Variants in EEA1 observed in about 807,000 individuals in gnomAD.
EEA1 encodes the protein early endosome antigen 1, also known as early endosome antigen 1, 162kD.
EEA1 carries 111 observed loss-of-function variants against 209.2 expected under a neutral mutation model. The observed-to-expected ratio is 0.53, with a 90% CI of 0.45 to 0.62. EEA1 has a LOEUF of 0.62. Ranked by LOEUF, EEA1 falls within the 20% of genes least tolerant of loss-of-function variation. EEA1 has a pLI of 0.00. For synonymous variants in EEA1, 536 were observed against 540.6 expected, an observed-to-expected ratio of 0.99 and a Z score of 0.12; for missense variants, 1,343 against 1,530.8, an observed-to-expected ratio of 0.88 and a Z score of 2.05.
chr12:92,817,063 T>C (rs74977447), intron 14 of EEA1, among the ~76,000 whole-genome samples: 13,231 of 151,294 alleles, frequency 0.087, 883 homozygotes, highest in Non-Finnish European at 0.098. Flanking sequence ...TTTGCATCCA[T>C]TGAAATTTTA....
Position 92,771,802 on chromosome 12 carries a change from T to C in EEA1, c.*4209A>G, listed in dbSNP as rs1780762858. 1 of 152,024 alleles carries C rather than the reference T, an allele frequency of 6.6e-6. No homozygotes were observed. Among genetic ancestry groups the C allele is most frequent in the African/African-American group, 2.4e-5 (1 of 41,428 alleles). The allele number at this position is 152,024 out of a possible 1,614,324, so 9.4% of individuals were successfully genotyped here. ...TCTCAAATTCCTTTAGTCCCATGAA[T>C]CCAGCAACCACAGACTTACATGTAT... On this transcript the variant is annotated 3_prime_UTR_variant, in exon 29 of 29. Transcript: ENST00000322349.
chr12:92,777,399 A>G, intron 27 of EEA1, 144 bp downstream of exon 27: 7 of 888,866 alleles, frequency 7.9e-6, no homozygotes, highest in South Asian at 2.7e-5. Context: ...TTAATTATCC[A>G]CAAAACCTAC....
intron 21 of EEA1, among the ~76,000 whole-genome samples, chr12:92,797,726 G>T (rs983554262): frequency 5.9e-5 from 9 of 152,086 alleles, no homozygotes; most frequent in Non-Finnish European, 1.2e-4. Flanking sequence ...ATAATTACAT[G>T]TTGACTTTTG....
At chr12:92,884,230 C>A in intron 2 of EEA1, 2 of 1,517,512 alleles carry the variant, frequency 1.3e-6, no homozygotes, top group Admixed American at 1.7e-5. Flanking sequence ...TAACCTTTGA[C>A]GACCATGACT....
intron 12 of EEA1, 35 bp from the exon 13 acceptor site, chr12:92,826,320 A>C (rs758834215): frequency 3.8e-6 from 6 of 1,583,434 alleles, no homozygotes; most frequent in Non-Finnish European, 4.3e-6. Context: ...TGAGAACTTA[A>C]AGGCATAATG....
intron 18 of EEA1, among the ~76,000 whole-genome samples, chr12:92,803,136 T>C (rs1875015035): frequency 6.6e-6 from 1 of 152,110 alleles, no homozygotes; most frequent in African/African-American, 2.4e-5. Context: ...ACTTTGTCTC[T>C]TTCCTTGAAA....
Position 92,776,176 on chromosome 12 carries a change from T to A in EEA1, c.4114-43A>T, listed in dbSNP as rs1873650998. On this transcript the variant is annotated intron_variant, in intron 28 of 28. Transcript: ENST00000322349. ...TAAACAATTTCAAGAATAAAAACTA[T>A]ACCAAAAGTATTATGAAACTACATG... is the stretch of plus-strand genomic sequence containing the variant. The A allele has an allele frequency of 1.9e-6, 3 of 1,557,968 alleles. No individual in the cohort carries two copies. The African/African-American group carries it at 4.1e-5, about 21-fold the overall frequency.
At position 92,776,840 on chromosome 12, in the gene EEA1, T is replaced by G. The variant is rs751630827; in HGVS notation, c.4113+4A>C. ...AACATAGTTACATGAACAAAATTAT[T>G]TACCCGTCTCACTGTTACTGAAAAG... On this transcript the variant is annotated splice_donor_region_variant and intron_variant, in intron 28 of 28. Coordinates refer to ENST00000322349, the MANE Select transcript of EEA1 (RefSeq NM_003566.4). 1.9e-6 allele frequency: 3 copies of G among 1,609,954 alleles called. No individual in the cohort carries two copies. The highest frequency in any genetic ancestry group is 2.5e-6 in the Non-Finnish European group (3 of 1,177,046).
intron 14 of EEA1, among the ~76,000 whole-genome samples, chr12:92,818,958 T>G (rs1875921580): frequency 6.6e-6 from 1 of 152,204 alleles, no homozygotes; most frequent in Non-Finnish European, 1.5e-5. Context: ...TGAATACATT[T>G]CATTATTCTT....
intron 9 of EEA1, among the ~76,000 whole-genome samples, chr12:92,843,530 CA>C (rs1352039495): frequency 6.6e-6 from 1 of 152,034 alleles, no homozygotes; most frequent in Non-Finnish European, 1.5e-5. Context: ...TAATATAAGA[CA>C]AAGACAGGTA....
Position 92,864,894 on chromosome 12 carries a change from C to T in EEA1, c.211G>A (p.Gly71Ser), listed in dbSNP as rs759196409. 5 of 1,609,240 alleles carry T rather than the reference C, an allele frequency of 3.1e-6. No homozygotes were observed. The African/African-American group carries it at 4.0e-5, about 13-fold the overall frequency. The change falls in exon 3 of 29, where the codon GGT (glycine) becomes AGT (serine). Residue 71 changes from glycine (G) to serine (S), a missense_variant. Transcript: ENST00000322349. Reference protein sequence around the residue: ...EAVHDAGNDSGHGGESNLALK... With the variant: ...EAVHDAGNDSSHGGESNLALK... ...GCAAGATTAGACTCTCCTCCATGAC[C>T]TGAGTCATTACCAGCATCATGAACA...
At chr12:92,834,578 A>T in intron 10 of EEA1, among the ~76,000 whole-genome samples, 1 of 142,732 alleles carries the variant, frequency 7.0e-6, no homozygotes, top group African/African-American at 2.5e-5. Flanking sequence ...AAGAGTACTT[A>T]TAAGAGAGGA....
chr12:92,877,687 C>A (rs997659093), intron 2 of EEA1, among the ~76,000 whole-genome samples: 1 of 151,904 alleles, frequency 6.6e-6, no homozygotes, highest in Non-Finnish European at 1.5e-5. Flanking sequence ...TGCCACCACA[C>A]CCTTTAGTAG....
At chr12:92,845,231 G>T (rs1877341383) in intron 9 of EEA1, among the ~76,000 whole-genome samples, 1 of 152,026 alleles carries the variant, frequency 6.6e-6, no homozygotes, top group Non-Finnish European at 1.5e-5. Flanking sequence ...GAAAGATTTG[G>T]GAAGACTTAT....
chr12:92,884,048 G>C, intron 2 of EEA1: 1 of 1,374,608 alleles, frequency 7.3e-7, no homozygotes, highest in Non-Finnish European at 1.0e-6. Context: ...GCTGTCTCAA[G>C]AGAAGATTCT....
chr12:92,901,381 A>G (rs1444952768), intron 1 of EEA1, among the ~76,000 whole-genome samples: 1 of 151,808 alleles, frequency 6.6e-6, no homozygotes, highest in African/African-American at 2.4e-5. Flanking sequence ...TAAACCTATT[A>G]TCATCACCAA....
chr12:92,786,512 C>A (rs1426683352), intron 22 of EEA1, among the ~76,000 whole-genome samples: 2 of 152,132 alleles, frequency 1.3e-5, no homozygotes, highest in African/African-American at 4.8e-5. Context: ...TTCTTTCACC[C>A]AATTTCCTAT....
chr12:92,776,713 T>C (rs963874913), intron 28 of EEA1, 131 bp downstream of exon 28: 5 of 806,084 alleles, frequency 6.2e-6, no homozygotes, highest in South Asian at 1.7e-5. Context: ...AGTTATTCTA[T>C]GTTGTTGTTA....
At chr12:92,831,982 G>A (rs1195101266) in intron 11 of EEA1, among the ~76,000 whole-genome samples, 1 of 150,932 alleles carries the variant, frequency 6.6e-6, no homozygotes, top group Non-Finnish European at 1.5e-5. Flanking sequence ...AGCTACTCGG[G>A]AGGCTGAGGC....
Sources: gnomAD v4.1 joint callset for allele counts (sites outside exome capture counted in the v4.1 genomes callset) on GRCh38, gnomAD v4.1.1 for gene constraint, MANE v1.5 for transcripts, NCBI Gene and HGNC (gene_info 2026-07-23, HGNC 2026-07-21) for gene names.